The following SOBP variants were observed in gnomAD, a reference collection of about 807,000 sequenced individuals.
SOBP encodes the protein sine oculis binding protein homolog, also known as sine oculis-binding protein homolog.
SOBP carries 4 observed loss-of-function variants against 53.6 expected under a neutral mutation model. The observed-to-expected ratio is 0.07, with a 90% CI of 0.04 to 0.17. The LOEUF (loss-of-function observed/expected upper bound fraction) is 0.17, where lower values mean the gene tolerates loss of function less well. Among genes scored for constraint, SOBP ranks in the 10% least tolerant of loss-of-function variants. The pLI is 1.00. For synonymous variants in SOBP, 584 were observed against 522.6 expected (o/e 1.12, Z -1.60); for missense variants, 1,088 against 1,204.7 (o/e 0.90, Z 1.43).
At chr6:107,502,321 AAAG>A (rs149278605) in intron 1 of SOBP, among the ~76,000 whole-genome samples, 1 of 152,330 alleles carries the variant, frequency 6.6e-6, no homozygotes, top group East Asian at 1.9e-4. Context: ...TTTGAGCCAC[AAAG>A]AAGGTTAGAA....
chr6:107,632,364 G>A (rs1770754157), intron 5 of SOBP, among the ~76,000 whole-genome samples: 1 of 151,934 alleles, frequency 6.6e-6, no homozygotes, highest in Admixed American at 6.6e-5. Context: ...AAGATTGTGT[G>A]TGTAAAACTC....
At chr6:107,624,925 T>C (rs918057287) in intron 5 of SOBP, among the ~76,000 whole-genome samples, 5 of 152,208 alleles carry the variant, frequency 3.3e-5, no homozygotes, top group Non-Finnish European at 5.9e-5. Context: ...AATCCTGTAA[T>C]TTGTAGGAAA....
At chr6:107,617,820 CTTTTT>C (rs71551315) in intron 5 of SOBP, among the ~76,000 whole-genome samples, 1 of 101,188 alleles carries the variant, frequency 9.9e-6, no homozygotes, top group African/African-American at 3.8e-5. Flanking sequence ...TGTATGACTC[CTTTTT>C]TTTTTTTTTT....
At chr6:107,644,042 C>G (rs1771449362) in intron 6 of SOBP, among the ~76,000 whole-genome samples, 1 of 152,222 alleles carries the variant, frequency 6.6e-6, no homozygotes, top group South Asian at 2.1e-4. Context: ...TGGCTCACTC[C>G]TGTAATCCCA....
chr6:107,600,106 G>T (rs866397765), intron 5 of SOBP, among the ~76,000 whole-genome samples: 1 of 152,180 alleles, frequency 6.6e-6, no homozygotes, highest in Non-Finnish European at 1.5e-5. Flanking sequence ...TCTTTCCTCT[G>T]TCCTGGCTTT....
intron 4 of SOBP, among the ~76,000 whole-genome samples, chr6:107,568,150 C>T (rs1166453042): frequency 6.6e-6 from 1 of 151,860 alleles, no homozygotes; most frequent in Non-Finnish European, 1.5e-5. Flanking sequence ...GGTTAAATGG[C>T]GAGAGTCATT....
At chr6:107,653,870 A>G (rs1771908339) in intron 6 of SOBP, among the ~76,000 whole-genome samples, 1 of 152,232 alleles carries the variant, frequency 6.6e-6, no homozygotes, top group South Asian at 2.1e-4. Context: ...TGAAAGTCTT[A>G]GGCCATAAAG....
Position 107,506,393 on chromosome 6 carries a change from T to G in SOBP, c.387T>G (p.Pro129=). ...KDHGSVPIIV[P]LIPPPFIKPP... The stretch of plus-strand genomic sequence containing the variant: ...ATGGCAGTGTGCCCATTATTGTACC[T>G]TTAATTCCACCACCTTTCATAAAGC... Residue 129 remains proline (P), a synonymous_variant, in exon 3 of 7, where the codon CCT becomes CCG. Transcript: ENST00000317357. The G allele has an allele frequency of 1.2e-6, 2 of 1,614,232 alleles. No homozygotes were observed. Among genetic ancestry groups the G allele is most frequent in the Non-Finnish European group, 1.7e-6 (2 of 1,180,042 alleles).
intron 4 of SOBP, among the ~76,000 whole-genome samples, chr6:107,544,686 C>T (rs778197336): frequency 2.6e-5 from 4 of 152,200 alleles, no homozygotes; most frequent in African/African-American, 7.2e-5. Flanking sequence ...CATTGATATG[C>T]GCTTTCTTTG....
At chr6:107,653,936 ATGTAT>A (rs1771911307) in intron 6 of SOBP, among the ~76,000 whole-genome samples, 1 of 152,214 alleles carries the variant, frequency 6.6e-6, no homozygotes, top group Non-Finnish European at 1.5e-5. Context: ...CATTGAGAGA[ATGTAT>A]TTAGACACAG....
chr6:107,591,968 GTTTTTTT>G (rs56210027), intron 5 of SOBP, among the ~76,000 whole-genome samples: 2 of 88,662 alleles, frequency 2.3e-5, no homozygotes, highest in African/African-American at 8.7e-5. Flanking sequence ...GTCTTTTGGT[GTTTTTTT>G]TTTTTTTTTT....
rs1784707588 is a variant in SOBP at position 107,559,283 on chromosome 6, C to G, written c.573+25673C>G. Among the ~76,000 whole-genome samples, 6 of 151,954 alleles carry G rather than the reference C, an allele frequency of 3.9e-5. No individual in the cohort carries two copies. The South Asian group carries it at 1.2e-3, about 32-fold the overall frequency. ...TTTTCTTTTCTTGTTTTGTTTACTT[C>G]CCACGCTACACCGACGTAAAGGGTG... On this transcript the variant is annotated intron_variant, in intron 4 of 6. Coordinates refer to ENST00000317357, the MANE Select transcript of SOBP (RefSeq NM_018013.4).
intron 6 of SOBP, among the ~76,000 whole-genome samples, chr6:107,650,424 T>G (rs1771756196): frequency 6.6e-6 from 1 of 152,234 alleles, no homozygotes; most frequent in Non-Finnish European, 1.5e-5. Context: ...AAATGGAAGG[T>G]TTGTGGCAAC....
intron 1 of SOBP, among the ~76,000 whole-genome samples, chr6:107,491,486 C>G (rs1275870007): frequency 1.3e-5 from 2 of 152,266 alleles, no homozygotes; most frequent in African/African-American, 2.4e-5. Context: ...CAGCGGTGCA[C>G]CAGAGGTGGA....
chr6:107,562,898 A>G (rs1784813326), intron 4 of SOBP, among the ~76,000 whole-genome samples: 1 of 152,270 alleles, frequency 6.6e-6, no homozygotes, highest in Admixed American at 6.5e-5. Context: ...AGGTAAGGTA[A>G]AAATCTCAAT....
At chr6:107,580,522 T>A (rs1420713902) in intron 4 of SOBP, among the ~76,000 whole-genome samples, 2 of 152,172 alleles carry the variant, frequency 1.3e-5, no homozygotes, top group Non-Finnish European at 1.5e-5. Flanking sequence ...AGTTTCAGTC[T>A]GGTAGAGGAA....
At chr6:107,586,277 C>A (rs1211209490) in intron 4 of SOBP, among the ~76,000 whole-genome samples, 1 of 152,184 alleles carries the variant, frequency 6.6e-6, no homozygotes, top group African/African-American at 2.4e-5. Context: ...GAGAGCAGAG[C>A]GGAGTGCAAG....
intron 5 of SOBP, among the ~76,000 whole-genome samples, chr6:107,618,382 C>T (rs980747286): frequency 6.6e-6 from 1 of 152,164 alleles, no homozygotes; most frequent in Non-Finnish European, 1.5e-5. Flanking sequence ...CACCCATTCT[C>T]CTCTTGAGAC....
intron 6 of SOBP, among the ~76,000 whole-genome samples, chr6:107,656,301 A>AAAACAGAAAGAAAGAAAGACAGAAAGAC (rs1554193509): frequency 3.9e-5 from 2 of 51,394 alleles, no homozygotes; most frequent in Admixed American, 1.8e-4. Flanking sequence ...GAAAGAAAGA[A>AAAACAGAAAGAAAGAAAGACAGAAAGAC]AGAAAGAAAG....
Sources: allele counts gnomAD v4.1 joint callset (sites outside exome capture counted in the v4.1 genomes callset), GRCh38; gene constraint gnomAD v4.1.1; transcripts MANE v1.5; gene names NCBI Gene and HGNC (gene_info 2026-07-23, HGNC 2026-07-21).